PILRB: variants seen among roughly 807,000 people sequenced by gnomAD.
PILRB encodes the protein paired immunoglobulin-like type 2 receptor beta.
A neutral mutation model predicts 20.5 loss-of-function variants in PILRB; 21 were observed. The observed-to-expected ratio is 1.02, with a 90% CI of 0.72 to 1.47. The LOEUF (loss-of-function observed/expected upper bound fraction) is 1.47, where lower values mean the gene tolerates loss of function less well. PILRB is among the 40% of genes most tolerant of loss of function. The probability of loss-of-function intolerance (pLI) is 0.00; values close to 1 mark genes in which losing one functional copy is unlikely to be tolerated. For synonymous variants in PILRB, 133 were observed against 115.1 expected (o/e 1.16, Z -0.99); for missense variants, 253 against 272.1 (o/e 0.93, Z 0.49).
At chr7:100,362,661 A>T (rs942600086) in intron 3 of PILRB, among the ~76,000 whole-genome samples, 1 of 152,064 alleles carries the variant, frequency 6.6e-6, no homozygotes, top group African/African-American at 2.4e-5. Flanking sequence ...GGTGTGCACC[A>T]CTATGCCCGG....
At chr7:100,359,199 T>C (rs149330419) in intron 2 of PILRB, 120 bp downstream of exon 2, 1 of 1,508,526 alleles carries the variant, frequency 6.6e-7, no homozygotes, top group East Asian at 2.3e-5. Flanking sequence ...TTCACCTTGC[T>C]ACCCCTTCCA....
At chr7:100,361,462 C>T (rs1014158560) in intron 3 of PILRB, among the ~76,000 whole-genome samples, 8 of 152,092 alleles carry the variant, frequency 5.3e-5, no homozygotes, top group African/African-American at 1.4e-4. Flanking sequence ...GAGGCCAAGG[C>T]GGCTGGATCA....
rs368842995 is a variant in PILRB at position 100,358,782 on chromosome 7, T to G, written c.157T>G (p.Phe53Val). Residue 53 changes from phenylalanine (F) to valine (V), a missense_variant, in exon 2 of 4, where the codon TTC becomes GTC. Phe to Val is a conservative substitution (Grantham distance 50). Transcript: ENST00000609309. The stretch of plus-strand genomic sequence containing the variant: ...CATGGGTGGCTCTGTGGAAATCCCC[T>G]TCTCCTTCTATTACCCCTGGGAGTT... ...ASMGGSVEIP[F>V]SFYYPWELAI... The G allele has an allele frequency of 6.2e-7, 1 of 1,613,692 alleles. No homozygotes were observed. The highest frequency in any genetic ancestry group is 8.5e-7 in the Non-Finnish European group (1 of 1,179,750).
Position 100,358,997 on chromosome 7 carries a change from C to T in PILRB, c.372C>T (p.Phe124=). The change falls in exon 2 of 4, where the codon TTC becomes TTT. Residue 124 remains phenylalanine (F), a synonymous_variant. Transcript: ENST00000609309. ...GGAAGGAGGACCAGTCTGTGTATTT[C>T]TGCCGAGTCGAGCTGGACACCCGGA... ...NLRKEDQSVY[F]CRVELDTRRS... is the part of the protein sequence containing the mutation. The T allele has an allele frequency of 6.2e-7, 1 of 1,614,160 alleles. No individual in the cohort carries two copies. The highest frequency in any genetic ancestry group is 1.1e-5 in the South Asian group (1 of 91,088).
intron 3 of PILRB, among the ~76,000 whole-genome samples, chr7:100,361,242 A>C (rs1379544896): frequency 6.6e-6 from 1 of 151,976 alleles, no homozygotes; most frequent in Non-Finnish European, 1.5e-5. Context: ...GCCAGTTTGG[A>C]ATCTGTTATA....
At chr7:100,365,949 GTTTTTT>G (rs769960565) in intron 3 of PILRB, among the ~76,000 whole-genome samples, 11 of 127,802 alleles carry the variant, frequency 8.6e-5, no homozygotes, top group Non-Finnish European at 1.7e-4. Flanking sequence ...ATTCTAGGTG[GTTTTTT>G]TTTTTTTTTT....
At chr7:100,359,230 G>C in intron 2 of PILRB, 107 bp from the exon 3 acceptor site, 1 of 1,504,480 alleles carries the variant, frequency 6.6e-7, no homozygotes, top group African/African-American at 1.4e-5. Flanking sequence ...TCTGAGAGCA[G>C]CTTGCTCATC....
chr7:100,364,345 A>G (rs924229270), intron 3 of PILRB, among the ~76,000 whole-genome samples: 5 of 152,214 alleles, frequency 3.3e-5, no homozygotes, highest in Non-Finnish European at 5.9e-5. Context: ...TGTAAGACCC[A>G]AAACTGTCCA....
Position 100,359,317 on chromosome 7 carries a change from T to G in PILRB, c.455-20T>G. On this transcript the variant is annotated intron_variant, in intron 2 of 3. Coordinates refer to ENST00000609309, the MANE Select transcript of PILRB (RefSeq NM_178238.4). Reference sequence around the variant, plus strand: ...CCCACACCCCCAGAAGAGGGTCTGCTCATTCCTCATCTCTTCCAGCTGTCA... The same window carrying G: ...CCCACACCCCCAGAAGAGGGTCTGCGCATTCCTCATCTCTTCCAGCTGTCA... 6.2e-7 allele frequency: 1 copy of G among 1,611,964 alleles called. No homozygotes were observed. The highest frequency in any genetic ancestry group is 8.5e-7 in the Non-Finnish European group (1 of 1,178,286).
intron 3 of PILRB, among the ~76,000 whole-genome samples, chr7:100,365,135 G>T (rs947144732): frequency 1.3e-5 from 2 of 152,192 alleles, no homozygotes; most frequent in Non-Finnish European, 2.9e-5. Context: ...GAGTAGCTGG[G>T]ATCACAGGTG....
rs777487699 is a variant in PILRB, at chr7:100,359,001, C to T, written c.376C>T (p.Arg126Ter). ...RKEDQSVYFCRVELDTRRSGR... is the reference protein window; with the variant it reads ...RKEDQSVYFC Reference sequence around the variant, plus strand: ...GGAGGACCAGTCTGTGTATTTCTGCCGAGTCGAGCTGGACACCCGGAGATC... The same window carrying T: ...GGAGGACCAGTCTGTGTATTTCTGCTGAGTCGAGCTGGACACCCGGAGATC... The change falls in exon 2 of 4, where the codon CGA becomes TGA. Residue 126 changes from arginine (R) to a stop codon, truncating the protein, a stop_gained. Transcript: ENST00000609309. LOFTEE classifies it high-confidence loss of function. 3.9e-5 allele frequency: 63 copies of T among 1,613,982 alleles called. No individual in the cohort carries two copies. The highest frequency in any genetic ancestry group is 1.8e-4 in the Admixed American group (11 of 59,986).
chr7:100,360,999 A>G (rs1015493125), intron 3 of PILRB, among the ~76,000 whole-genome samples: 4 of 152,062 alleles, frequency 2.6e-5, no homozygotes, highest in East Asian at 1.9e-4. Flanking sequence ...GCAGTGGCAC[A>G]ATCTCGGCTC....
chr7:100,367,272 T>G (rs966290958), intron 3 of PILRB, 77 bp from the exon 4 acceptor site: 13 of 778,862 alleles, frequency 1.7e-5, no homozygotes, highest in Non-Finnish European at 3.1e-5. Flanking sequence ...CACTTAAATC[T>G]GATCTCTGAA....
rs566277768 is a variant in PILRB, at chr7:100,358,239, C to T, written c.-64C>T. On this transcript the variant is annotated 5_prime_UTR_variant, in exon 1 of 4. Transcript: ENST00000609309. Reference sequence around the variant, plus strand: ...CCTCAGCCCTCAGGCAGCCCCTCCACAGGGCCCCTCTCCTGCCTGGACAGC... The same window carrying T: ...CCTCAGCCCTCAGGCAGCCCCTCCATAGGGCCCCTCTCCTGCCTGGACAGC... 2.1e-5 allele frequency: 34 copies of T among 1,596,572 alleles called. No homozygotes were observed. In the East Asian group the frequency reaches 7.6e-4, roughly 36 times the overall value.
chr7:100,364,423 A>G (rs1188248376), intron 3 of PILRB, among the ~76,000 whole-genome samples: 1 of 152,212 alleles, frequency 6.6e-6, no homozygotes. Context: ...TTGCACCATC[A>G]TCCCCAGACC....
rs550147435 is a variant in PILRB at position 100,361,232 on chromosome 7, G to C, written c.655+1695G>C. On this transcript the variant is annotated intron_variant, in intron 3 of 3. Transcript: ENST00000609309. ...TTACAGGCTTGAGCCACCGCACCCGGCCAGTTTGGAATCTGTTATACGGGA... is the reference window on the plus strand; with the variant it reads ...TTACAGGCTTGAGCCACCGCACCCGCCCAGTTTGGAATCTGTTATACGGGA... 1.1e-3 allele frequency among the ~76,000 whole-genome samples: 173 copies of C among 152,236 alleles called. 3 individuals carry two copies. Among genetic ancestry groups the C allele is most frequent in the Admixed American group, 5.6e-3 (86 of 15,288 alleles).
At position 100,365,100 on chromosome 7, in the gene PILRB, A is replaced by G. The variant is rs148570923; in HGVS notation, c.656-2249A>G. The stretch of plus-strand genomic sequence containing the variant: ...CTGCAACCTCCGCCTCCTGGGTTCA[A>G]GGGATTCTCTTGGCTCAGCCTCCCG... On this transcript the variant is annotated intron_variant, in intron 3 of 3. Transcript: ENST00000609309. Among the ~76,000 whole-genome samples, 84 of 152,318 alleles carry G rather than the reference A, an allele frequency of 5.5e-4. No homozygotes were observed. In the East Asian group the frequency reaches 0.016, roughly 29 times the overall value.
At chr7:100,363,490 T>C (rs906742051) in intron 3 of PILRB, among the ~76,000 whole-genome samples, 1 of 152,226 alleles carries the variant, frequency 6.6e-6, no homozygotes, top group African/African-American at 2.4e-5. Flanking sequence ...GAAAGACTTG[T>C]ACACTGAAAC....
In PILRB at chr7:100,358,880, G is replaced by A; in HGVS notation, c.255G>A (p.Arg85=). The change falls in exon 2 of 4, where the codon AGG becomes AGA. Residue 85 remains arginine (R), a synonymous_variant. Transcript: ENST00000609309. The part of the protein sequence containing the change: ...HFHGQSFYST[R]PPSIHKDYVN... The stretch of plus-strand genomic sequence containing the variant: ...ACGGGCAGTCCTTCTACAGCACAAG[G>A]CCGCCTTCCATTCACAAGGATTATG... The A allele has an allele frequency of 3.1e-6, 5 of 1,614,154 alleles. No individual in the cohort carries two copies. Among genetic ancestry groups the A allele is most frequent in the African/African-American group, 1.3e-5 (1 of 75,020 alleles).
Sources: gnomAD v4.1 joint callset for allele counts (sites outside exome capture counted in the v4.1 genomes callset) on GRCh38, gnomAD v4.1.1 for gene constraint, MANE v1.5 for transcripts, NCBI Gene and HGNC (gene_info 2026-07-23, HGNC 2026-07-21) for gene names.